Variants in RASGRF2 observed in about 807,000 individuals in gnomAD.
The protein encoded by RASGRF2 is Ras protein specific guanine nucleotide releasing factor 2.
Under a neutral mutation model 151.0 loss-of-function variants are expected in RASGRF2, and 76 were observed. The observed-to-expected ratio is 0.50, with a 90% CI of 0.42 to 0.61. The LOEUF (loss-of-function observed/expected upper bound fraction) is 0.61, where lower values mean the gene tolerates loss of function less well. Among genes scored for constraint, RASGRF2 ranks in the 20% least tolerant of loss-of-function variants. The pLI, the probability that RASGRF2 is intolerant of heterozygous loss-of-function variation, is 0.00. For synonymous variants in RASGRF2, 504 were observed against 566.5 expected, an observed-to-expected ratio of 0.89 and a Z score of 1.57; for missense variants, 1,148 against 1,564.6, an observed-to-expected ratio of 0.73 and a Z score of 4.49.
At chr5:81,167,266 C>A (rs1754533594) in intron 17 of RASGRF2, among the ~76,000 whole-genome samples, 1 of 152,170 alleles carries the variant, frequency 6.6e-6, no homozygotes. Context: ...CACACAGCAA[C>A]CAATTTATCC....
chr5:81,190,279 A>G (rs10079031), intron 18 of RASGRF2, among the ~76,000 whole-genome samples: 45,183 of 152,054 alleles, frequency 0.3, 6,781 homozygotes, highest in Middle Eastern at 0.41. Flanking sequence ...TCTTTACGGC[A>G]GTGCTGGGTC....
chr5:81,169,284 T>C (rs1754587544), intron 17 of RASGRF2, among the ~76,000 whole-genome samples: 1 of 152,170 alleles, frequency 6.6e-6, no homozygotes, highest in African/African-American at 2.4e-5. Context: ...TTAAATTCGT[T>C]TTTGTAGGGC....
At position 80,980,591 on chromosome 5, in the gene RASGRF2, G is replaced by A. The variant is rs148809347; in HGVS notation, c.288+19565G>A. Reference sequence around the variant, plus strand: ...CAGGAAGCAAAGGTTGCAGTGAACCGAGATCGTGCCACTGCACTCTAGCCT... The same window carrying A: ...CAGGAAGCAAAGGTTGCAGTGAACCAAGATCGTGCCACTGCACTCTAGCCT... On this transcript the variant is annotated intron_variant, in intron 1 of 26. Coordinates refer to ENST00000265080, the MANE Select transcript of RASGRF2 (RefSeq NM_006909.3). Among the ~76,000 whole-genome samples, 506 of 152,260 alleles carry A rather than the reference G, an allele frequency of 3.3e-3. 7 individuals carry two copies. Among genetic ancestry groups the A allele is most frequent in the African/African-American group, 0.012 (483 of 41,552 alleles).
chr5:81,216,837 C>G (rs1755751178), intron 24 of RASGRF2: 2 of 306,228 alleles, frequency 6.5e-6, no homozygotes, highest in Admixed American at 3.9e-5. Context: ...CCAAACAAAA[C>G]AGTGTCTCAC....
chr5:81,155,318 C>A (rs201373733), intron 17 of RASGRF2, among the ~76,000 whole-genome samples: 2 of 151,628 alleles, frequency 1.3e-5, no homozygotes, highest in South Asian at 4.2e-4. Flanking sequence ...CAGACCAAAC[C>A]CAAAGCAAAC....
At chr5:81,160,155 C>T (rs541385644) in intron 17 of RASGRF2, among the ~76,000 whole-genome samples, 218 of 152,286 alleles carry the variant, frequency 1.4e-3, no homozygotes, top group African/African-American at 5.1e-3. Context: ...TGCGGTGGCT[C>T]ACACCTGTAA....
intron 17 of RASGRF2, among the ~76,000 whole-genome samples, chr5:81,147,952 G>A (rs142728644): frequency 1.8e-3 from 279 of 152,318 alleles, no homozygotes; most frequent in African/African-American, 6.5e-3. Flanking sequence ...GTCCCCTTTA[G>A]AGGCAGGCAC....
chr5:80,976,870 A>G (rs1341671233), intron 1 of RASGRF2, among the ~76,000 whole-genome samples: 3 of 152,158 alleles, frequency 2.0e-5, no homozygotes, highest in Non-Finnish European at 4.4e-5. Flanking sequence ...TCTAAGTTTC[A>G]ATCTCCCCAG....
At chr5:81,095,135 A>G in intron 12 of RASGRF2, 143 bp downstream of exon 12, 1 of 555,546 alleles carries the variant, frequency 1.8e-6, no homozygotes, top group Non-Finnish European at 2.7e-6. Flanking sequence ...ATGTATCTTG[A>G]TAAGCTGTGA....
intron 18 of RASGRF2, among the ~76,000 whole-genome samples, chr5:81,200,951 G>A (rs953749776): frequency 1.3e-5 from 2 of 152,138 alleles, no homozygotes; most frequent in African/African-American, 4.8e-5. Context: ...CGTGGTGTGT[G>A]TTGGGGGCGT....
chr5:81,045,383 A>G (rs1408133471), intron 2 of RASGRF2, among the ~76,000 whole-genome samples: 1 of 152,222 alleles, frequency 6.6e-6, no homozygotes, highest in Non-Finnish European at 1.5e-5. Context: ...TTTAAAGATG[A>G]TTAGATTCCA....
intron 2 of RASGRF2, among the ~76,000 whole-genome samples, chr5:81,043,877 C>T (rs765854689): frequency 2.0e-5 from 3 of 152,236 alleles, no homozygotes; most frequent in Non-Finnish European, 4.4e-5. Context: ...CCCTGCAAGT[C>T]AGCCCTCACT....
chr5:81,076,737 T>C (rs1405665491), intron 5 of RASGRF2, among the ~76,000 whole-genome samples: 1 of 152,142 alleles, frequency 6.6e-6, no homozygotes, highest in Non-Finnish European at 1.5e-5. Context: ...GTGTCGGAGC[T>C]GGAGAAGAGA....
At chr5:80,988,311 A>G (rs1748542078) in intron 1 of RASGRF2, among the ~76,000 whole-genome samples, 3 of 152,064 alleles carry the variant, frequency 2.0e-5, no homozygotes, top group Admixed American at 2.0e-4. Context: ...TCGGCCTCCC[A>G]AAGTGCTGGG....
chr5:81,177,278 A>G (rs558681399), intron 17 of RASGRF2, among the ~76,000 whole-genome samples: 2 of 152,272 alleles, frequency 1.3e-5, no homozygotes, highest in South Asian at 4.1e-4. Context: ...TTTTTCCAAG[A>G]TACTTACTCT....
At chr5:81,186,673 A>G (rs1462464068) in intron 18 of RASGRF2, among the ~76,000 whole-genome samples, 1 of 152,204 alleles carries the variant, frequency 6.6e-6, no homozygotes, top group Non-Finnish European at 1.5e-5. Flanking sequence ...TCTGAGGTAG[A>G]AGACAGGAAT....
intron 1 of RASGRF2, among the ~76,000 whole-genome samples, chr5:81,026,562 G>T (rs1392233069): frequency 6.6e-6 from 1 of 152,180 alleles, no homozygotes; most frequent in African/African-American, 2.4e-5. Context: ...AAAGAAATAA[G>T]TAGGTAGAAG....
intron 1 of RASGRF2, among the ~76,000 whole-genome samples, chr5:81,018,684 AAAC>A (rs1749720904): frequency 6.6e-6 from 1 of 152,222 alleles, no homozygotes; most frequent in Non-Finnish European, 1.5e-5. Context: ...GAAAGGGAAA[AAAC>A]AAGAAAGAGG....
chr5:81,021,701 T>C (rs1580213486), intron 1 of RASGRF2, among the ~76,000 whole-genome samples: 1 of 152,130 alleles, frequency 6.6e-6, no homozygotes, highest in Non-Finnish European at 1.5e-5. Context: ...TAATATGTGG[T>C]TCTATAACCA....
Sources: gnomAD v4.1 joint callset for allele counts (sites outside exome capture counted in the v4.1 genomes callset) on GRCh38, gnomAD v4.1.1 for gene constraint, MANE v1.5 for transcripts, NCBI Gene and HGNC (gene_info 2026-07-23, HGNC 2026-07-21) for gene names.